Variants in DYNC2I1 observed in about 807,000 individuals in gnomAD.
The protein encoded by DYNC2I1 is cytoplasmic dynein 2 intermediate chain 1.
A neutral mutation model predicts 133.4 loss-of-function variants in DYNC2I1; 89 were observed. That is an observed-to-expected ratio of 0.67 (90% CI 0.56 to 0.80). The LOEUF (loss-of-function observed/expected upper bound fraction) is 0.80. Ranked by LOEUF, DYNC2I1 falls within the 30% of genes least tolerant of loss-of-function variation. The probability of loss-of-function intolerance (pLI) is 0.00; values close to 1 mark genes in which losing one functional copy is unlikely to be tolerated. For missense variants in DYNC2I1, 1,291 were observed against 1,314.5 expected, an observed-to-expected ratio of 0.98 and a Z score of 0.28; for synonymous variants, 504 against 484.3, an observed-to-expected ratio of 1.04 and a Z score of -0.54.
intron 23 of DYNC2I1, among the ~76,000 whole-genome samples, chr7:158,940,865 C>T (rs539488219): frequency 3.9e-5 from 6 of 152,100 alleles, no homozygotes; most frequent in Non-Finnish European, 7.4e-5. Flanking sequence ...TAATAAATGC[C>T]TACATCTAAA....
intron 4 of DYNC2I1, among the ~76,000 whole-genome samples, chr7:158,953,213 T>C (rs1585278793): frequency 8.1e-6 from 1 of 122,876 alleles, no homozygotes; most frequent in East Asian, 3.2e-4. Context: ...TGAGTGACAC[T>C]GAGATGACCC....
At chr7:158,947,245 C>T (rs1851916188), downstream of DYNC2I1, among the ~76,000 whole-genome samples, 1 of 152,154 alleles carries the variant, frequency 6.6e-6, no homozygotes, top group African/African-American at 2.4e-5. Flanking sequence ...AACCCAGGTT[C>T]ACAGTTGCGT....
intron 8 of DYNC2I1, among the ~76,000 whole-genome samples, chr7:158,891,888 C>T (rs984740464): frequency 2.7e-5 from 3 of 112,272 alleles, no homozygotes; most frequent in South Asian, 3.1e-4. Flanking sequence ...CTCTGAAGGA[C>T]GTAGCGCGGA....
chr7:158,840,603 A>C, the DYNC2I1 span, among the ~76,000 whole-genome samples: 29 of 152,376 alleles, frequency 1.9e-4, no homozygotes, highest in African/African-American at 6.7e-4. Context: ...ATAAATTATA[A>C]ATCACGCAAT....
chr7:158,909,653 A>G lies in DYNC2I1; in HGVS notation c.1461-1897A>G, dbSNP rs115205895. ...AAAAACACTCCAGCTGATTGAATATACCGGAGCAACCAAGGCCGCTGGGCC... is the reference window on the plus strand; with the variant it reads ...AAAAACACTCCAGCTGATTGAATATGCCGGAGCAACCAAGGCCGCTGGGCC... On this transcript the variant is annotated intron_variant, in intron 11 of 24. Coordinates refer to ENST00000407559, the MANE Select transcript of DYNC2I1 (RefSeq NM_018051.5). 4.8e-3 allele frequency among the ~76,000 whole-genome samples: 734 copies of G among 152,276 alleles called. 3 individuals carry two copies. Among genetic ancestry groups the G allele is most frequent in the African/African-American group, 0.017 (710 of 41,570 alleles).
upstream of DYNC2I1, among the ~76,000 whole-genome samples, chr7:158,852,224 C>T (rs1216285925): frequency 6.6e-6 from 1 of 151,842 alleles, no homozygotes; most frequent in Non-Finnish European, 1.5e-5. Context: ...TGGTTTCAAG[C>T]GATTCTCCTG....
chr7:158,869,699 A>C (rs1333523537), intron 1 of DYNC2I1, among the ~76,000 whole-genome samples, 156 bp from the exon 2 acceptor site: 1 of 152,180 alleles, frequency 6.6e-6, no homozygotes, highest in African/African-American at 2.4e-5. Context: ...AAAAATCTGT[A>C]TTTCTGTTAC....
rs114840032 is a variant in DYNC2I1, at chr7:158,932,932, G to A, written c.2547-1197G>A. Among the ~76,000 whole-genome samples the A allele has an allele frequency of 9.5e-3, 1,443 of 152,316 alleles. 24 individuals are homozygous for A. Among genetic ancestry groups the A allele is most frequent in the African/African-American group, 0.033 (1,351 of 41,560 alleles). On this transcript the variant is annotated intron_variant, in intron 21 of 24. Coordinates refer to ENST00000407559, the MANE Select transcript of DYNC2I1 (RefSeq NM_018051.5). ...GGTGACTGGGCACCACTTGCCAGGC[G>A]AGGATAGGAGCAGGGAGGGTTGGGA...
chr7:158,873,900 GCA>G (rs1326669615), intron 3 of DYNC2I1, among the ~76,000 whole-genome samples: 1 of 151,886 alleles, frequency 6.6e-6, no homozygotes, highest in Non-Finnish European at 1.5e-5. Flanking sequence ...GGGACTATAA[GCA>G]CACGCCACCA....
chr7:158,867,912 C>T (rs569753949), intron 1 of DYNC2I1, among the ~76,000 whole-genome samples: 6 of 152,194 alleles, frequency 3.9e-5, no homozygotes, highest in South Asian at 2.1e-4. Context: ...TGTGGCAGGG[C>T]GGGCGGCTTG....
At chr7:158,867,622 G>A (rs1457832359) in intron 1 of DYNC2I1, among the ~76,000 whole-genome samples, 2 of 152,106 alleles carry the variant, frequency 1.3e-5, no homozygotes, top group Non-Finnish European at 1.5e-5. Flanking sequence ...TGTCCTCATG[G>A]TTCCTGTAGG....
At chr7:158,906,830 A>C (rs1846868834) in intron 11 of DYNC2I1, among the ~76,000 whole-genome samples, 1 of 152,242 alleles carries the variant, frequency 6.6e-6, no homozygotes, top group African/African-American at 2.4e-5. Context: ...TTCCTTAGTC[A>C]GTACTCAATA....
At position 158,941,829 on chromosome 7, in the gene DYNC2I1, A is replaced by T. The variant is rs1851399490; in HGVS notation, c.2779-96A>T. Reference sequence around the variant, plus strand: ...GGAGGTCAAGCTGCCATGAGCTGTGATTGCACCACTGCACTCCAGGCTGGG... The same window carrying T: ...GGAGGTCAAGCTGCCATGAGCTGTGTTTGCACCACTGCACTCCAGGCTGGG... On this transcript the variant is annotated intron_variant, in intron 23 of 24. Coordinates refer to ENST00000407559, the MANE Select transcript of DYNC2I1 (RefSeq NM_018051.5). 1.9e-5 allele frequency: 27 copies of T among 1,399,074 alleles called. No individual in the cohort carries two copies. In the South Asian group the frequency reaches 3.4e-4, roughly 18 times the overall value. 86.7% of individuals were successfully genotyped at this position (1,399,074 alleles called of 1,614,324 possible).
intron 15 of DYNC2I1, among the ~76,000 whole-genome samples, chr7:158,920,660 C>A (rs1400099040): frequency 4.6e-5 from 7 of 152,172 alleles, no homozygotes; most frequent in Non-Finnish European, 1.0e-4. Context: ...TTGCACTTCC[C>A]ACATGTTCAA....
At chr7:158,856,556 C>A (rs938648273), upstream of DYNC2I1, 1 of 560,172 alleles carries the variant, frequency 1.8e-6, no homozygotes. Flanking sequence ...CGCAGGCGCA[C>A]TGGGAGAGGC....
At chr7:158,840,880 C>T in the DYNC2I1 span, among the ~76,000 whole-genome samples, 1 of 152,054 alleles carries the variant, frequency 6.6e-6, no homozygotes, top group African/African-American at 2.4e-5. Context: ...GGAACCACGG[C>T]CAGCCCACTG....
intron 6 of DYNC2I1, among the ~76,000 whole-genome samples, chr7:158,885,483 A>G (rs1157895217): frequency 6.6e-6 from 1 of 151,958 alleles, no homozygotes; most frequent in African/African-American, 2.4e-5. Context: ...CTGGAACTAC[A>G]GGCACATACC....
At chr7:158,883,726 C>T (rs1251810718) in intron 5 of DYNC2I1, among the ~76,000 whole-genome samples, 1 of 133,600 alleles carries the variant, frequency 7.5e-6, no homozygotes, top group African/African-American at 2.9e-5. Context: ...TGCATTGGCG[C>T]AATCTCGGCT....
At chr7:158,957,867 C>A (rs972944041), downstream of DYNC2I1, among the ~76,000 whole-genome samples, 2 of 152,210 alleles carry the variant, frequency 1.3e-5, no homozygotes, top group Non-Finnish European at 2.9e-5. Flanking sequence ...GGGGACCCCT[C>A]CCTGCCTGGG....
Sources: gnomAD v4.1 joint callset for allele counts (sites outside exome capture counted in the v4.1 genomes callset) on GRCh38, gnomAD v4.1.1 for gene constraint, MANE v1.5 for transcripts, NCBI Gene and HGNC (gene_info 2026-07-23, HGNC 2026-07-21) for gene names.